Variants in TOPAZ1 observed in about 807,000 individuals in gnomAD.
TOPAZ1 encodes testis and ovary specific TOPAZ 1.
In TOPAZ1, 66 loss-of-function variants were observed where a neutral mutation model predicts 172.2. That is an observed-to-expected ratio of 0.38 (90% CI 0.31 to 0.47). The LOEUF (loss-of-function observed/expected upper bound fraction) is 0.47, where lower values mean the gene tolerates loss of function less well. TOPAZ1 is among the 20% of genes least tolerant of loss of function. The probability of loss-of-function intolerance (pLI) is 0.99; values close to 1 mark genes in which losing one functional copy is unlikely to be tolerated. For synonymous variants in TOPAZ1, 681 were observed against 683.9 expected, an observed-to-expected ratio of 1.00 and a Z score of 0.07; for missense variants, 1,822 against 1,972.4, an observed-to-expected ratio of 0.92 and a Z score of 1.44.
chr3:44,316,928 G>A (rs759029753), intron 16 of TOPAZ1, among the ~76,000 whole-genome samples: 3 of 151,918 alleles, frequency 2.0e-5, no homozygotes, highest in Admixed American at 6.5e-5. Flanking sequence ...ATGCTAGCAC[G>A]ATGCTCTTTT....
rs71085612 is a variant in TOPAZ1 at position 44,269,471 on chromosome 3, C to CTTTTTTTTTTTTT, written c.3246+189_3246+201dup. ...CCTTTTGATTGTATTTCCCTATCAT[C>CTTTTTTTTTTTTT]TTTTTTTTTTTTTTTTTTTTTTTTT... On this transcript the variant is annotated intron_variant, in intron 7 of 19. Coordinates refer to ENST00000309765, the MANE Select transcript of TOPAZ1 (RefSeq NM_001145030.2). 7.8e-3 allele frequency among the ~76,000 whole-genome samples: 264 copies of CTTTTTTTTTTTTT among 33,932 alleles called. 32 individuals are homozygous for CTTTTTTTTTTTTT. The highest frequency in any genetic ancestry group is 0.013 in the African/African-American group (82 of 6,122). 22.3% of individuals were successfully genotyped at this position (33,932 alleles called of 152,430 possible).
downstream of TOPAZ1, among the ~76,000 whole-genome samples, chr3:44,335,200 T>C (rs1032868701): frequency 3.9e-5 from 6 of 152,148 alleles, no homozygotes; most frequent in Admixed American, 6.5e-5. Flanking sequence ...AAATAATTAA[T>C]AGCAGTGCCA....
At chr3:44,256,423 C>A in intron 4 of TOPAZ1, 145 bp downstream of exon 4, 1 of 735,094 alleles carries the variant, frequency 1.4e-6, no homozygotes. Context: ...TGGGATGTAT[C>A]CCTTGATACT....
intron 2 of TOPAZ1, among the ~76,000 whole-genome samples, chr3:44,249,901 T>C (rs1699610145): frequency 6.6e-6 from 1 of 152,204 alleles, no homozygotes; most frequent in Non-Finnish European, 1.5e-5. Context: ...AAAATTTGAA[T>C]TCAGTATGGA....
chr3:44,320,348 A>G (rs1012968060), intron 16 of TOPAZ1, among the ~76,000 whole-genome samples: 1 of 152,228 alleles, frequency 6.6e-6, no homozygotes, highest in African/African-American at 2.4e-5. Context: ...CTGTAATCCC[A>G]GCACTTTGGG....
At chr3:44,279,128 C>T (rs999931734) in intron 8 of TOPAZ1, among the ~76,000 whole-genome samples, 2 of 152,048 alleles carry the variant, frequency 1.3e-5, no homozygotes, top group African/African-American at 2.4e-5. Context: ...CATGTATTTG[C>T]ACAGTTTCCA....
At chr3:44,285,468 AAAAT>A (rs1331333304) in intron 9 of TOPAZ1, among the ~76,000 whole-genome samples, 5 of 152,182 alleles carry the variant, frequency 3.3e-5, no homozygotes, top group Admixed American at 6.5e-5. Context: ...CCGTGTCTCA[AAAAT>A]AAATAAATAA....
chr3:44,333,618 ATGGTTTACAAGTGTCTGGAC>A (rs1364142677), downstream of TOPAZ1, among the ~76,000 whole-genome samples: 1 of 152,134 alleles, frequency 6.6e-6, no homozygotes, highest in African/African-American at 2.4e-5. Context: ...ATTGGATGGA[ATGGTTTACAAGTGTCTGGAC>A]TGGTTTCTAA....
At chr3:44,297,531 ATTATAT>A (rs1226486264) in intron 12 of TOPAZ1, among the ~76,000 whole-genome samples, 4 of 152,216 alleles carry the variant, frequency 2.6e-5, no homozygotes, top group Non-Finnish European at 5.9e-5. Flanking sequence ...TACAGCAAAT[ATTATAT>A]TTAGATGAAA....
intron 8 of TOPAZ1, among the ~76,000 whole-genome samples, chr3:44,273,940 A>G (rs1699924332): frequency 6.6e-6 from 1 of 152,196 alleles, no homozygotes; most frequent in Non-Finnish European, 1.5e-5. Context: ...TTCTGTTTCA[A>G]GTGCTTTACG....
At chr3:44,305,006 G>A (rs1700318522) in intron 13 of TOPAZ1, 141 bp from the exon 14 acceptor site, 2 of 603,440 alleles carry the variant, frequency 3.3e-6, no homozygotes, top group Non-Finnish European at 5.6e-6. Flanking sequence ...TTGTTGGTAA[G>A]CTTATAAGAT....
chr3:44,315,129 A>ATGGATGGATGGG (rs1195582553), intron 16 of TOPAZ1, among the ~76,000 whole-genome samples: 3 of 151,896 alleles, frequency 2.0e-5, no homozygotes, highest in Non-Finnish European at 4.4e-5. Context: ...GGATGGATGG[A>ATGGATGGATGGG]TGGATGGATG....
chr3:44,283,366 C>G (rs1446658607), intron 9 of TOPAZ1, among the ~76,000 whole-genome samples: 1 of 152,082 alleles, frequency 6.6e-6, no homozygotes, highest in Admixed American at 6.5e-5. Context: ...AGAGGAATCA[C>G]TTTAAGAATG....
chr3:44,276,447 G>A (rs1477800795), intron 8 of TOPAZ1, among the ~76,000 whole-genome samples: 3 of 151,902 alleles, frequency 2.0e-5, no homozygotes. Flanking sequence ...CTTAATGTAT[G>A]TTCTTGGCGC....
chr3:44,248,492 C>T (rs1389607617), intron 2 of TOPAZ1, among the ~76,000 whole-genome samples: 1 of 152,064 alleles, frequency 6.6e-6, no homozygotes, highest in Non-Finnish European at 1.5e-5. Flanking sequence ...ATTTGTTCTG[C>T]ACTGGAAATA....
intron 12 of TOPAZ1, among the ~76,000 whole-genome samples, chr3:44,303,260 T>C (rs1196988459): frequency 6.6e-6 from 1 of 152,202 alleles, no homozygotes; most frequent in Non-Finnish European, 1.5e-5. Flanking sequence ...TTACCAAAAT[T>C]GGTGAACTCA....
At chr3:44,274,681 A>G (rs956519695) in intron 8 of TOPAZ1, among the ~76,000 whole-genome samples, 32 of 151,808 alleles carry the variant, frequency 2.1e-4, no homozygotes, top group Admixed American at 2.1e-3. Flanking sequence ...CAGCCTCCCA[A>G]GTAGCTGGGA....
At chr3:44,320,669 G>C (rs1700498381) in intron 16 of TOPAZ1, among the ~76,000 whole-genome samples, 1 of 152,108 alleles carries the variant, frequency 6.6e-6, no homozygotes. Context: ...TATTTATTGT[G>C]AAATTGTTAA....
At position 44,243,397 on chromosome 3, in the gene TOPAZ1, G is replaced by C. The variant is rs1475622088; in HGVS notation, c.891G>C (p.Glu297Asp). 2.6e-6 allele frequency: 4 copies of C among 1,551,122 alleles called. No homozygotes were observed. Among genetic ancestry groups the C allele is most frequent in the Non-Finnish European group, 3.5e-6 (4 of 1,146,842 alleles). ...VMGVNKLLPE[E>D]SDLYQSKTNG... Reference sequence around the variant, plus strand: ...GAGTAAATAAGTTACTACCAGAAGAGAGTGATTTATACCAAAGTAAAACCA... The same window carrying C: ...GAGTAAATAAGTTACTACCAGAAGACAGTGATTTATACCAAAGTAAAACCA... Residue 297 changes from glutamate (E) to aspartate (D), a missense_variant, in exon 2 of 20, where the codon GAG (glutamate) becomes GAC (aspartate). By Grantham distance (45) the Glu-to-Asp change is conservative. Coordinates refer to ENST00000309765, the MANE Select transcript of TOPAZ1 (RefSeq NM_001145030.2).
Sources: allele counts gnomAD v4.1 joint callset (sites outside exome capture counted in the v4.1 genomes callset), GRCh38; gene constraint gnomAD v4.1.1; transcripts MANE v1.5; gene names NCBI Gene and HGNC (gene_info 2026-07-23, HGNC 2026-07-21).